Variants in RAD51B observed in about 807,000 individuals in gnomAD.
RAD51B encodes RAD51 paralog B.
A neutral mutation model predicts 42.2 loss-of-function variants in RAD51B; 38 were observed. That is an observed-to-expected ratio of 0.90 (90% CI 0.70 to 1.18). RAD51B has a LOEUF of 1.18. Among genes scored for constraint, RAD51B ranks in the 50% most tolerant of loss-of-function variants. The pLI is 0.00. For synonymous variants in RAD51B, 154 were observed against 145.2 expected, an observed-to-expected ratio of 1.06 and a Z score of -0.43; for missense variants, 373 against 400.7, an observed-to-expected ratio of 0.93 and a Z score of 0.59.
At chr14:68,242,914 T>C (rs1206840580) in intron 7 of RAD51B, among the ~76,000 whole-genome samples, 3 of 152,180 alleles carry the variant, frequency 2.0e-5, no homozygotes, top group African/African-American at 7.2e-5. Flanking sequence ...ATGGAGGCCC[T>C]AGAAAGCTTA....
intron 7 of RAD51B, among the ~76,000 whole-genome samples, chr14:68,038,055 A>G (rs2076161424): frequency 1.3e-5 from 2 of 152,238 alleles, no homozygotes; most frequent in African/African-American, 4.8e-5. Context: ...GGCAATGCAG[A>G]CCAGACCAGT....
chr14:67,959,176 T>A (rs2074608338), intron 7 of RAD51B, among the ~76,000 whole-genome samples: 1 of 152,184 alleles, frequency 6.6e-6, no homozygotes, highest in African/African-American at 2.4e-5. Flanking sequence ...CACCTGCTAG[T>A]GTTACCAATG....
chr14:68,320,157 CT>C (rs1450758916), intron 8 of RAD51B, among the ~76,000 whole-genome samples: 3 of 152,188 alleles, frequency 2.0e-5, no homozygotes, highest in Non-Finnish European at 4.4e-5. Flanking sequence ...CCTTTCTCTC[CT>C]TGTTCTTTAC....
chr14:68,189,859 T>G (rs780025704), intron 7 of RAD51B, among the ~76,000 whole-genome samples: 47 of 152,238 alleles, frequency 3.1e-4, no homozygotes, highest in Non-Finnish European at 5.1e-4. Context: ...AGAGATTAGA[T>G]TTCACGATGT....
At position 68,288,446 on chromosome 14, in the gene RAD51B, A is replaced by G. The variant is rs532752743; in HGVS notation, c.757-3438A>G. On this transcript the variant is annotated intron_variant, in intron 7 of 10. Transcript: ENST00000471583. ...TAAGTTAGGAGCTTGTTCTTTTGCC[A>G]TTGGGGAGTGAATATTTTCTTCCCC... Among the ~76,000 whole-genome samples the G allele has an allele frequency of 1.1e-4, 16 of 152,328 alleles. No individual in the cohort carries two copies. In the South Asian group the frequency reaches 3.1e-3, roughly 30 times the overall value.
chr14:68,126,529 A>G (rs1053922686), intron 7 of RAD51B, among the ~76,000 whole-genome samples: 1 of 152,192 alleles, frequency 6.6e-6, no homozygotes, highest in African/African-American at 2.4e-5. Context: ...ATGGGTTTTC[A>G]TGTATGACAC....
intron 7 of RAD51B, among the ~76,000 whole-genome samples, chr14:67,962,442 CAAAAGCAAAAGTTATCTATAAGGAAG>C (rs1296957733): frequency 6.6e-6 from 1 of 152,174 alleles, no homozygotes; most frequent in African/African-American, 2.4e-5. Context: ...GTCATGTAAG[CAAAAGCAAAAGTTATCTATAAGGAAG>C]AAAAGCAAAA....
chr14:68,238,991 G>A (rs1164473658), intron 7 of RAD51B, among the ~76,000 whole-genome samples: 1 of 152,332 alleles, frequency 6.6e-6, no homozygotes, highest in South Asian at 2.1e-4. Flanking sequence ...TAGTTCTACA[G>A]AAATCTTGGG....
chr14:67,993,549 A>G (rs2075332163), intron 7 of RAD51B, among the ~76,000 whole-genome samples: 2 of 152,058 alleles, frequency 1.3e-5, no homozygotes, highest in South Asian at 4.2e-4. Flanking sequence ...GCTGAATATT[A>G]CTCCGTTTTG....
At chr14:68,579,545 T>C (rs1566943978) in intron 10 of RAD51B, among the ~76,000 whole-genome samples, 1 of 152,252 alleles carries the variant, frequency 6.6e-6, no homozygotes, top group Non-Finnish European at 1.5e-5. Flanking sequence ...ATACTTTTTT[T>C]AGTATAAGTG....
rs569201609 is a variant in RAD51B at position 67,932,297 on chromosome 14, T to C, written c.756+45093T>C. ...TCTGGGTGCATTCAGTTGTGTAGTC[T>C]CTGTATTATTTCTTTAGCTATAAAC... is the stretch of plus-strand genomic sequence containing the variant. On this transcript the variant is annotated intron_variant, in intron 7 of 10. Coordinates refer to ENST00000471583, the MANE Select transcript of RAD51B (RefSeq NM_133510.4). Among the ~76,000 whole-genome samples the C allele has an allele frequency of 4.6e-5, 7 of 152,340 alleles. No homozygotes were observed. In the South Asian group the frequency reaches 1.5e-3, roughly 32 times the overall value.
intron 7 of RAD51B, among the ~76,000 whole-genome samples, chr14:68,104,283 T>G (rs564748914): frequency 7.2e-5 from 11 of 152,268 alleles, no homozygotes; most frequent in Non-Finnish European, 1.5e-4. Context: ...AGAATAAAGA[T>G]TCTGGCTTCT....
chr14:68,072,079 A>AATATATATAATTATATATATT (rs1278345873), intron 7 of RAD51B, among the ~76,000 whole-genome samples: 58 of 107,904 alleles, frequency 5.4e-4, no homozygotes, highest in Non-Finnish European at 7.7e-4. Context: ...AAATATATAA[A>AATATATATAATTATATATATT]TATATATAAA....
chr14:68,396,261 G>A (rs948863914), intron 8 of RAD51B, among the ~76,000 whole-genome samples: 1 of 152,198 alleles, frequency 6.6e-6, no homozygotes, highest in Non-Finnish European at 1.5e-5. Context: ...ACTTGGAATA[G>A]TTTCTGGAAC....
chr14:68,220,129 G>A lies in RAD51B; in HGVS notation c.757-71755G>A, dbSNP rs529450478. Among the ~76,000 whole-genome samples, 10 of 152,164 alleles carry A rather than the reference G, an allele frequency of 6.6e-5. No individual in the cohort carries two copies. In the South Asian group the frequency reaches 2.1e-3, roughly 32 times the overall value. On this transcript the variant is annotated intron_variant, in intron 7 of 10. Coordinates refer to ENST00000471583, the MANE Select transcript of RAD51B (RefSeq NM_133510.4). Reference sequence around the variant, plus strand: ...TTTCAAATTAACCCAATCCATCAAAGTCAAAGAAAAAAGAATTTTTAAAAC... The same window carrying A: ...TTTCAAATTAACCCAATCCATCAAAATCAAAGAAAAAAGAATTTTTAAAAC...
In RAD51B at chr14:68,251,545, T is replaced by C. The variant is rs559347396; in HGVS notation, c.757-40339T>C. ...GGAAAACAAAATAAAGGAAATAATT[T>C]TAAGAAAAGAGACTTTCCCATGATG... is the stretch of plus-strand genomic sequence containing the variant. On this transcript the variant is annotated intron_variant, in intron 7 of 10. Coordinates refer to ENST00000471583, the MANE Select transcript of RAD51B (RefSeq NM_133510.4). Among the ~76,000 whole-genome samples the C allele has an allele frequency of 2.0e-5, 3 of 152,338 alleles. No homozygotes were observed. The East Asian group carries it at 5.8e-4, about 29-fold the overall frequency.
At chr14:68,157,879 A>G (rs2078546958) in intron 7 of RAD51B, among the ~76,000 whole-genome samples, 1 of 152,232 alleles carries the variant, frequency 6.6e-6, no homozygotes, top group African/African-American at 2.4e-5. Flanking sequence ...GTCAGAAATC[A>G]TTGGAGAAGA....
chr14:68,653,026 A>C (rs1055731188), intron 11 of RAD51B, among the ~76,000 whole-genome samples: 25 of 152,376 alleles, frequency 1.6e-4, no homozygotes, highest in African/African-American at 5.5e-4. Flanking sequence ...CTGAAAGCAA[A>C]GCATTTGATT....
chr14:68,544,896 G>A (rs1339538845), intron 10 of RAD51B, among the ~76,000 whole-genome samples: 2 of 152,180 alleles, frequency 1.3e-5, no homozygotes, highest in Admixed American at 1.3e-4. Context: ...GACTCCAAAT[G>A]CATTTGCCAA....
Sources: allele counts gnomAD v4.1 joint callset (sites outside exome capture counted in the v4.1 genomes callset), GRCh38; gene constraint gnomAD v4.1.1; transcripts MANE v1.5; gene names NCBI Gene and HGNC (gene_info 2026-07-23, HGNC 2026-07-21).